GRK1: variants seen among roughly 807,000 people sequenced by gnomAD.
GRK1 encodes G protein-coupled receptor kinase 1.
GRK1 carries 28 observed loss-of-function variants against 41.7 expected under a neutral mutation model. The ratio of observed to expected loss-of-function variants is 0.67; its 90% CI spans 0.50 to 0.92. The LOEUF is 0.92. Among genes scored for constraint, GRK1 ranks in the 40% least tolerant of loss-of-function variants. The probability of loss-of-function intolerance (pLI) is 0.00; values close to 1 mark genes in which losing one functional copy is unlikely to be tolerated. For missense variants in GRK1, 703 were observed against 671.2 expected, an observed-to-expected ratio of 1.05 and a Z score of -0.52; for synonymous variants, 327 against 286.7, an observed-to-expected ratio of 1.14 and a Z score of -1.42.
chr13:113,651,777 T>G, the GRK1 span: 1 of 1,598,592 alleles, frequency 6.3e-7, no homozygotes, highest in Admixed American at 1.7e-5. Context: ...CACCGCCATG[T>G]GAGGTGCACG....
chr13:113,669,541 T>A, intron 1 of GRK1, 146 bp from the exon 2 acceptor site: 1 of 909,772 alleles, frequency 1.1e-6, no homozygotes, highest in South Asian at 1.5e-5. Context: ...CATTTGCAAT[T>A]GCTTTGTGAA....
At chr13:113,666,616 T>A (rs1178171915), upstream of GRK1, among the ~76,000 whole-genome samples, 1 of 152,048 alleles carries the variant, frequency 6.6e-6, no homozygotes, top group Non-Finnish European at 1.5e-5. Flanking sequence ...GCTCCGGGGA[T>A]CTTCTGCTCC....
chr13:113,660,221 C>A, the GRK1 span, among the ~76,000 whole-genome samples: 29 of 152,264 alleles, frequency 1.9e-4, no homozygotes, highest in African/African-American at 6.5e-4. Flanking sequence ...ACCGGTCACC[C>A]CTCTCTCCCC....
chr13:113,653,250 CCT>C, the GRK1 span: 1 of 1,490,818 alleles, frequency 6.7e-7, no homozygotes, highest in Non-Finnish European at 9.3e-7. Context: ...CCGCTTCACA[CCT>C]CACCCACCCG....
Position 113,731,048 on chromosome 13 carries a change from C to G in GRK1, c.1070-171C>G, listed in dbSNP as rs923910234. The G allele has an allele frequency of 1.9e-6, 1 of 514,032 alleles. No homozygotes were observed. The highest frequency in any genetic ancestry group is 2.1e-5 in the African/African-American group (1 of 47,912). 31.8% of individuals were successfully genotyped at this position (514,032 alleles called of 1,614,324 possible). On this transcript the variant is annotated intron_variant, in intron 4 of 6. Transcript: ENST00000335678. The surrounding 1 kb of genome is among the most constrained non-coding windows in gnomAD (Gnocchi z 5.6). ...GCAGAGTCTGGGGTGCTGCTTGGCA[C>G]CCAGTAACACACAGGGCAGCCCCTC... is the stretch of plus-strand genomic sequence containing the variant.
At chr13:113,733,680 CAT>C (rs2049961371) in intron 6 of GRK1, among the ~76,000 whole-genome samples, 12 of 83,528 alleles carry the variant, frequency 1.4e-4, no homozygotes, top group African/African-American at 7.6e-4. Context: ...CACGTGTGTG[CAT>C]GTATGTGTGC....
chr13:113,657,856 C>G, the GRK1 span, among the ~76,000 whole-genome samples: 3 of 152,338 alleles, frequency 2.0e-5, no homozygotes, highest in East Asian at 3.9e-4. Flanking sequence ...CTCTGGGGAC[C>G]CTCGCTTTCC....
the GRK1 span, chr13:113,653,093 C>T: frequency 1.9e-6 from 3 of 1,598,736 alleles, no homozygotes; most frequent in Non-Finnish European, 2.6e-6. Context: ...ACGCACCTGC[C>T]AGCCCTGTCC....
intron 4 of GRK1, among the ~76,000 whole-genome samples, chr13:113,723,939 C>T (rs1330745196): frequency 1.3e-5 from 2 of 151,340 alleles, no homozygotes; most frequent in Non-Finnish European, 3.0e-5. Context: ...CATGTGTATC[C>T]GTGTGCCTGT....
intron 2 of GRK1, among the ~76,000 whole-genome samples, chr13:113,670,881 C>T (rs1057247434): frequency 3.9e-5 from 6 of 152,064 alleles, no homozygotes; most frequent in Non-Finnish European, 5.9e-5. Flanking sequence ...TGCTAGGAAG[C>T]GCGGTCACAG....
the GRK1 span, among the ~76,000 whole-genome samples, chr13:113,655,167 C>T: frequency 2.0e-5 from 3 of 152,212 alleles, no homozygotes; most frequent in Non-Finnish European, 4.4e-5. Flanking sequence ...CCCGTCTGGA[C>T]GTCCACATAG....
intron 4 of GRK1, among the ~76,000 whole-genome samples, chr13:113,724,171 G>A (rs1162106712): frequency 6.6e-6 from 1 of 152,116 alleles, no homozygotes; most frequent in Non-Finnish European, 1.5e-5. Flanking sequence ...TCTGGGCCCA[G>A]CACCTGCTGG....
chr13:113,658,229 G>A, the GRK1 span: 1 of 1,330,652 alleles, frequency 7.5e-7, no homozygotes, highest in Non-Finnish European at 1.0e-6. Flanking sequence ...GGGCTTTATA[G>A]TTTCCTCTGC....
At chr13:113,665,427 G>A (rs2049811558), upstream of GRK1, among the ~76,000 whole-genome samples, 1 of 149,466 alleles carries the variant, frequency 6.7e-6, no homozygotes, top group African/African-American at 2.5e-5. Context: ...TGTCCCAGGT[G>A]TGTCACAGCT....
chr13:113,733,837 G>C (rs1161185337), intron 6 of GRK1, among the ~76,000 whole-genome samples: 1 of 128,146 alleles, frequency 7.8e-6, no homozygotes, highest in African/African-American at 3.5e-5. Context: ...GTGTGCACGT[G>C]CGTGTGCATG....
the GRK1 span, among the ~76,000 whole-genome samples, chr13:113,661,539 A>G: frequency 1.3e-5 from 2 of 152,070 alleles, no homozygotes; most frequent in African/African-American, 4.8e-5. Flanking sequence ...GCAGAAACCA[A>G]TGAACTTGAA....
rs760089320 is a variant in GRK1, at chr13:113,671,631, C to T, written c.960C>T (p.Pro320=). Residue 320 remains proline (P), a synonymous_variant, in exon 3 of 7, where the codon CCC becomes CCT. Transcript: ENST00000335678. The surrounding 1 kb of genome is among the most constrained non-coding windows in gnomAD (Gnocchi z 4.1). ...QRRIVYRDLK[P]ENVLLDNDGN... is the part of the protein sequence containing the mutation. ...GGATCGTCTACCGCGACCTCAAGCC[C>T]GAGAACGTGCTGCTGGACAATGACG... The T allele has an allele frequency of 2.3e-5, 18 of 767,854 alleles. No individual in the cohort carries two copies. Among genetic ancestry groups the T allele is most frequent in the African/African-American group, 8.5e-5 (5 of 59,164 alleles). 47.6% of individuals were successfully genotyped at this position (767,854 alleles called of 1,614,324 possible).
upstream of GRK1, among the ~76,000 whole-genome samples, chr13:113,663,361 G>A (rs1188159535): frequency 5.3e-5 from 8 of 152,176 alleles, no homozygotes; most frequent in South Asian, 2.1e-4. Flanking sequence ...GGATATGAAC[G>A]TAAATGTAAA....
intron 2 of GRK1, 140 bp downstream of exon 2, chr13:113,669,954 C>T: frequency 1.5e-5 from 15 of 1,016,102 alleles, no homozygotes; most frequent in Non-Finnish European, 1.7e-5. Context: ...CCATCACAAT[C>T]CCCTTCTCGC....
Sources: allele counts gnomAD v4.1 joint callset (sites outside exome capture counted in the v4.1 genomes callset), GRCh38; gene constraint gnomAD v4.1.1; non-coding constraint Gnocchi (gnomAD v3.1); transcripts MANE v1.5; gene names NCBI Gene and HGNC (gene_info 2026-07-23, HGNC 2026-07-21).